The following CCDC18 variants were observed in gnomAD, a reference collection of about 807,000 sequenced individuals.
CCDC18 encodes coiled-coil domain containing 18.
CCDC18 carries 157 observed loss-of-function variants against 196.0 expected under a neutral mutation model. That is an observed-to-expected ratio of 0.80 (90% CI 0.70 to 0.91). The LOEUF (loss-of-function observed/expected upper bound fraction) is 0.91, where lower values mean the gene tolerates loss of function less well. CCDC18 is among the 40% of genes least tolerant of loss of function. The probability of loss-of-function intolerance (pLI) is 0.00; values close to 1 mark genes in which losing one functional copy is unlikely to be tolerated. For synonymous variants in CCDC18, 482 were observed against 529.2 expected, an observed-to-expected ratio of 0.91 and a Z score of 1.22; for missense variants, 1,465 against 1,611.6, an observed-to-expected ratio of 0.91 and a Z score of 1.56.
At chr1:93,219,867 AT>A (rs1657122030) in intron 14 of CCDC18, among the ~76,000 whole-genome samples, 1 of 152,064 alleles carries the variant, frequency 6.6e-6, no homozygotes, top group East Asian at 1.9e-4. Flanking sequence ...CAGAGAAAAA[AT>A]TTTTTTTCCA....
At chr1:93,223,546 T>A (rs1219806045) in intron 16 of CCDC18, among the ~76,000 whole-genome samples, 1 of 152,206 alleles carries the variant, frequency 6.6e-6, no homozygotes, top group African/African-American at 2.4e-5. Flanking sequence ...AGGAAAGTTA[T>A]AAGGGTCAGT....
chr1:93,270,880 A>G (rs1324865120), intron 28 of CCDC18, 66 bp downstream of exon 28: 2 of 1,380,214 alleles, frequency 1.4e-6, no homozygotes, highest in South Asian at 3.7e-5. Flanking sequence ...TATTACTTGG[A>G]AGAAAATTCA....
At chr1:93,219,453 G>T (rs1312740778) in intron 14 of CCDC18, among the ~76,000 whole-genome samples, 1 of 152,068 alleles carries the variant, frequency 6.6e-6, no homozygotes, top group African/African-American at 2.4e-5. Flanking sequence ...TTGCTTTGGG[G>T]CCATTATTAA....
At position 93,180,741 on chromosome 1, in the gene CCDC18, G is replaced by A. The variant is rs1192539809; in HGVS notation, c.-114G>A. The A allele has an allele frequency of 7.3e-7, 1 of 1,366,746 alleles. No homozygotes were observed. The highest frequency in any genetic ancestry group is 9.8e-7 in the Non-Finnish European group (1 of 1,021,496). The allele number at this position is 1,366,746 out of a possible 1,614,324, so 84.7% of individuals were successfully genotyped here. A position where few individuals can be genotyped will look rare whatever the true frequency, so the allele number is the denominator to read the frequency against. On this transcript the variant is annotated 5_prime_UTR_variant, in exon 1 of 29. Transcript: ENST00000690025. ...CCCGCGGCGGTTCGAATTCTGTGCT[G>A]CCGGGGTTCGCTGGTTCTCCGAGTT... is the stretch of plus-strand genomic sequence containing the variant.
chr1:93,208,186 G>A (rs544812554), intron 9 of CCDC18, among the ~76,000 whole-genome samples: 2 of 152,244 alleles, frequency 1.3e-5, no homozygotes, highest in Non-Finnish European at 1.5e-5. Context: ...TTTCCAAAAT[G>A]TCTACACTAT....
chr1:93,270,333 C>A lies in CCDC18; in HGVS notation c.3886-14C>A. 2 of 1,465,926 alleles carry A rather than the reference C, an allele frequency of 1.4e-6. No individual in the cohort carries two copies. The highest frequency in any genetic ancestry group is 2.5e-5 in the South Asian group (2 of 79,924). The allele number at this position is 1,465,926 out of a possible 1,614,324, so 90.8% of individuals were successfully genotyped here. A position where few individuals can be genotyped will look rare whatever the true frequency, so the allele number is the denominator to read the frequency against. ...AATGTATTGAGCACCTACTATGTAC[C>A]AATTTATCTGCAGGAATCAGAATTA... On this transcript the variant is annotated splice_polypyrimidine_tract_variant and intron_variant, in intron 27 of 28. Transcript: ENST00000690025.
intron 17 of CCDC18, among the ~76,000 whole-genome samples, chr1:93,231,289 T>C (rs1184218040): frequency 6.6e-6 from 1 of 152,198 alleles, no homozygotes; most frequent in African/African-American, 2.4e-5. Flanking sequence ...ATTTATTATA[T>C]AAGCAACAAC....
At chr1:93,251,091 G>T (rs571898531) in intron 23 of CCDC18, among the ~76,000 whole-genome samples, 1 of 151,966 alleles carries the variant, frequency 6.6e-6, no homozygotes, top group African/African-American at 2.4e-5. Flanking sequence ...TGATTAATTG[G>T]TTGCTGTTTA....
chr1:93,208,646 A>G (rs1655112139), intron 9 of CCDC18, among the ~76,000 whole-genome samples: 1 of 150,150 alleles, frequency 6.7e-6, no homozygotes, highest in South Asian at 2.1e-4. Context: ...TCATGTACTT[A>G]TTAGAATGGC....
At chr1:93,268,501 A>G (rs1458767078) in intron 27 of CCDC18, among the ~76,000 whole-genome samples, 19 of 152,146 alleles carry the variant, frequency 1.2e-4, no homozygotes, top group Non-Finnish European at 4.4e-5. Context: ...CAACCTACAG[A>G]ATGGGAGAAA....
At chr1:93,206,204 G>A (rs1654682327) in intron 8 of CCDC18, among the ~76,000 whole-genome samples, 1 of 152,088 alleles carries the variant, frequency 6.6e-6, no homozygotes, top group South Asian at 2.1e-4. Context: ...GGAGCAGGAA[G>A]CAATCAATGA....
At chr1:93,231,601 T>G (rs951719930) in intron 17 of CCDC18, among the ~76,000 whole-genome samples, 1 of 152,190 alleles carries the variant, frequency 6.6e-6, no homozygotes, top group African/African-American at 2.4e-5. Context: ...TGCTGGCATA[T>G]TTTTAGAATT....
chr1:93,192,173 A>G, intron 5 of CCDC18, 67 bp downstream of exon 5: 1 of 1,078,068 alleles, frequency 9.3e-7, no homozygotes, highest in South Asian at 1.3e-5. Context: ...TATCTTGTTA[A>G]ATCTTGTTCC....
chr1:93,277,752 A>G (rs201144670), intron 28 of CCDC18, among the ~76,000 whole-genome samples: 1 of 151,606 alleles, frequency 6.6e-6, no homozygotes, highest in Admixed American at 6.6e-5. Flanking sequence ...TCCCCACATA[A>G]TTGTCTTTTG....
chr1:93,190,441 C>T (rs540632209), intron 4 of CCDC18, among the ~76,000 whole-genome samples: 138 of 152,212 alleles, frequency 9.1e-4, no homozygotes, highest in South Asian at 4.4e-3. Flanking sequence ...GAGCCGAGAT[C>T]GCGCCACTGC....
chr1:93,239,707 A>G lies in CCDC18; in HGVS notation c.2792A>G (p.His931Arg). Residue 931 changes from histidine to arginine, a missense_variant, in exon 21 of 29, where the codon CAC becomes CGC. Transcript: ENST00000690025. ...GTAAAGGAGTTAGAAAAGTTACAGCACAGTACTGAAACTGAACTAACAGAA... is the reference window on the plus strand; with the variant it reads ...GTAAAGGAGTTAGAAAAGTTACAGCGCAGTACTGAAACTGAACTAACAGAA... ...NAVKELEKLQ[H>R]STETELTEAL... 3.1e-6 allele frequency: 5 copies of G among 1,613,186 alleles called. No individual in the cohort carries two copies. The highest frequency in any genetic ancestry group is 3.4e-6 in the Non-Finnish European group (4 of 1,179,270).
At chr1:93,186,624 A>G (rs1650722156) in intron 4 of CCDC18, 121 bp downstream of exon 4, 1 of 659,116 alleles carries the variant, frequency 1.5e-6, no homozygotes, top group Admixed American at 3.3e-5. Context: ...AATTTTCATT[A>G]TAATACTATA....
At position 93,193,795 on chromosome 1, in the gene CCDC18, T is replaced by C. The variant is rs576194080; in HGVS notation, c.698+51T>C. 5.3e-6 allele frequency: 7 copies of C among 1,324,760 alleles called. No individual in the cohort carries two copies. In the African/African-American group the frequency reaches 9.3e-5, roughly 18 times the overall value. 82.1% of individuals were successfully genotyped at this position (1,324,760 alleles called of 1,614,324 possible). A position where few individuals can be genotyped will look rare whatever the true frequency, so the allele number is the denominator to read the frequency against. Reference sequence around the variant, plus strand: ...GTTTTTGAAAGGGAATAAAAGGAAATATTACCTATTTAAAATTCTAGTTAA... The same window carrying C: ...GTTTTTGAAAGGGAATAAAAGGAAACATTACCTATTTAAAATTCTAGTTAA... On this transcript the variant is annotated intron_variant, in intron 6 of 28. Transcript: ENST00000690025.
At chr1:93,243,583 A>C (rs1661110410) in intron 21 of CCDC18, among the ~76,000 whole-genome samples, 2 of 152,154 alleles carry the variant, frequency 1.3e-5, no homozygotes, top group South Asian at 4.1e-4. Context: ...AGCCAGCTTG[A>C]ATTTCTCCTC....
Sources: allele counts gnomAD v4.1 joint callset (sites outside exome capture counted in the v4.1 genomes callset), GRCh38; gene constraint gnomAD v4.1.1; transcripts MANE v1.5; gene names NCBI Gene and HGNC (gene_info 2026-07-23, HGNC 2026-07-21).